The following VDAC1 variants were observed in gnomAD, a reference collection of about 807,000 sequenced individuals.
VDAC1 encodes the protein non-selective voltage-gated ion channel VDAC1.
VDAC1 carries 10 observed loss-of-function variants against 34.7 expected under a neutral mutation model. That is an observed-to-expected ratio of 0.29 (90% CI 0.18 to 0.49). The LOEUF (loss-of-function observed/expected upper bound fraction) is 0.49. Among genes scored for constraint, VDAC1 ranks in the 20% least tolerant of loss-of-function variants. The pLI, the probability that VDAC1 is intolerant of heterozygous loss-of-function variation, is 0.99. For synonymous variants in VDAC1, 130 were observed against 136.0 expected (o/e 0.96, Z 0.30); for missense variants, 230 against 347.9 (o/e 0.66, Z 2.69).
chr5:134,006,667 TGGAA>T (rs901283278), upstream of VDAC1, among the ~76,000 whole-genome samples: 3 of 147,232 alleles, frequency 2.0e-5, no homozygotes, highest in African/African-American at 7.6e-5. Context: ...CGCTTGAACT[TGGAA>T]GGAGGAGGCT....
At chr5:134,043,545 T>A in the VDAC1 span, among the ~76,000 whole-genome samples, 1 of 152,118 alleles carries the variant, frequency 6.6e-6, no homozygotes, top group Non-Finnish European at 1.5e-5. Flanking sequence ...TTTTTCTTTT[T>A]TTTTCCCAGA....
the VDAC1 span, among the ~76,000 whole-genome samples, chr5:134,092,632 T>C: frequency 6.7e-6 from 1 of 148,438 alleles, no homozygotes; most frequent in Non-Finnish European, 1.5e-5. Flanking sequence ...GCTGTGATCG[T>C]GCCACTGCAC....
chr5:134,078,898 A>ACCCG, the VDAC1 span, among the ~76,000 whole-genome samples: 1 of 150,300 alleles, frequency 6.7e-6, no homozygotes, highest in Non-Finnish European at 1.5e-5. Flanking sequence ...TGATTTGCCC[A>ACCCG]CCTCAGCCTC....
chr5:134,078,730 G>A, the VDAC1 span, among the ~76,000 whole-genome samples: 6 of 142,072 alleles, frequency 4.2e-5, no homozygotes, highest in African/African-American at 1.3e-4. Flanking sequence ...GGCTCACTGA[G>A]ACCTCCACCT....
the VDAC1 span, among the ~76,000 whole-genome samples, chr5:134,114,226 C>G: frequency 6.6e-6 from 1 of 152,172 alleles, no homozygotes; most frequent in Non-Finnish European, 1.5e-5. Flanking sequence ...CCGCGGAGTT[C>G]CAACGCTGCC....
At chr5:133,975,724 G>T in intron 7 of VDAC1, 147 bp downstream of exon 7, 1 of 1,258,224 alleles carries the variant, frequency 7.9e-7, no homozygotes, top group South Asian at 1.4e-5. Flanking sequence ...CTCCCAAAGT[G>T]CAGGGATTAC....
At chr5:134,025,972 C>A in the VDAC1 span, among the ~76,000 whole-genome samples, 1 of 152,122 alleles carries the variant, frequency 6.6e-6, no homozygotes, top group Non-Finnish European at 1.5e-5. Flanking sequence ...GCAGTGCCAA[C>A]CTTCTGCCTT....
the VDAC1 span, among the ~76,000 whole-genome samples, chr5:134,090,999 T>C: frequency 6.6e-6 from 1 of 152,044 alleles, no homozygotes; most frequent in Non-Finnish European, 1.5e-5. Flanking sequence ...GGAAGAAAAG[T>C]CCAGAACAGA....
chr5:134,093,035 T>C, the VDAC1 span, among the ~76,000 whole-genome samples: 1 of 152,230 alleles, frequency 6.6e-6, no homozygotes, highest in African/African-American at 2.4e-5. Context: ...AAAGGTGATT[T>C]GTGGATTCAT....
the VDAC1 span, among the ~76,000 whole-genome samples, chr5:134,092,368 G>A: frequency 1.3e-5 from 2 of 152,234 alleles, no homozygotes; most frequent in African/African-American, 2.4e-5. Context: ...GGGGCTCTGA[G>A]TCACTGTCTT....
At chr5:134,038,979 C>T in the VDAC1 span, among the ~76,000 whole-genome samples, 71 of 152,094 alleles carry the variant, frequency 4.7e-4, no homozygotes, top group Middle Eastern at 3.4e-3. Flanking sequence ...AATGTAAAGG[C>T]CCAGTAATAG....
intron 5 of VDAC1, among the ~76,000 whole-genome samples, chr5:133,987,891 GAGA>G (rs1324344200): frequency 5.3e-5 from 8 of 152,180 alleles, no homozygotes; most frequent in African/African-American, 1.7e-4. Context: ...ATCAGGTGCA[GAGA>G]AGAATATAAC....
intron 5 of VDAC1, among the ~76,000 whole-genome samples, chr5:133,989,811 C>T (rs1011390648): frequency 1.3e-5 from 2 of 152,182 alleles, no homozygotes; most frequent in African/African-American, 2.4e-5. Flanking sequence ...TACAGGCATG[C>T]GCCCACCAGG....
chr5:134,095,758 A>G, the VDAC1 span, among the ~76,000 whole-genome samples: 1 of 152,192 alleles, frequency 6.6e-6, no homozygotes, highest in African/African-American at 2.4e-5. Flanking sequence ...GGCTATTTAC[A>G]TTTAAATTCA....
At chr5:134,017,956 C>CG in the VDAC1 span, among the ~76,000 whole-genome samples, 1 of 152,170 alleles carries the variant, frequency 6.6e-6, no homozygotes, top group East Asian at 1.9e-4. Context: ...TGATGAATGA[C>CG]GTGTGGCATA....
At chr5:133,979,117 C>A (rs1032292608) in intron 6 of VDAC1, among the ~76,000 whole-genome samples, 2 of 152,214 alleles carry the variant, frequency 1.3e-5, no homozygotes, top group Non-Finnish European at 2.9e-5. Context: ...AGCACCAGGG[C>A]AACCCAGATG....
chr5:133,972,967 G>C, intron 8 of VDAC1, 105 bp from the exon 9 acceptor site: 5 of 912,522 alleles, frequency 5.5e-6, no homozygotes, highest in Non-Finnish European at 8.7e-6. Context: ...ATTATCAGCA[G>C]GGTCCAAACT....
the VDAC1 span, among the ~76,000 whole-genome samples, chr5:134,011,644 T>C: frequency 3.2e-3 from 489 of 151,416 alleles, 5 homozygotes; most frequent in African/African-American, 0.011. Context: ...AAGTTCTTTT[T>C]TTTTTTTTTT....
chr5:134,053,758 G>A, the VDAC1 span, among the ~76,000 whole-genome samples: 4 of 152,320 alleles, frequency 2.6e-5, no homozygotes, highest in Admixed American at 6.5e-5. Context: ...GTCAACCAGC[G>A]CCTGCCTTCA....
Sources: gnomAD v4.1 joint callset for allele counts (sites outside exome capture counted in the v4.1 genomes callset) on GRCh38, gnomAD v4.1.1 for gene constraint, MANE v1.5 for transcripts, NCBI Gene and HGNC (gene_info 2026-07-23, HGNC 2026-07-21) for gene names.